MCEMP1: variants seen among roughly 807,000 people sequenced by gnomAD.
MCEMP1 encodes mast cell-expressed membrane protein 1.
A neutral mutation model predicts 27.9 loss-of-function variants in MCEMP1; 17 were observed. The ratio of observed to expected loss-of-function variants is 0.61; its 90% confidence interval spans 0.42 to 0.91. MCEMP1 has a LOEUF of 0.91. MCEMP1 is among the 40% of genes least tolerant of loss of function. The pLI is 0.00. For synonymous variants in MCEMP1, 88 were observed against 76.9 expected, an observed-to-expected ratio of 1.14 and a Z score of -0.76; for missense variants, 200 against 204.8, an observed-to-expected ratio of 0.98 and a Z score of 0.14.
In MCEMP1 at chr19:7,678,888, C is replaced by A; in HGVS notation, c.449-36C>A. 6.6e-7 allele frequency: 1 copy of A among 1,516,394 alleles called. No individual in the cohort carries two copies. The highest frequency in any genetic ancestry group is 9.0e-7 in the Non-Finnish European group (1 of 1,117,080). The allele number at this position is 1,516,394 out of a possible 1,614,324, so 93.9% of individuals were successfully genotyped here. A position where few individuals can be genotyped will look rare whatever the true frequency, so the allele number is the denominator to read the frequency against. On this transcript the variant is annotated intron_variant, in intron 5 of 6. Transcript: ENST00000333598. The surrounding 1 kb of genome is among the most constrained non-coding windows in gnomAD (Gnocchi z 4.8). Reference sequence around the variant, plus strand: ...TGTTTGAGGCTCCACCGCAGCTTGACTTATCTGTTCCCACCCAACCCTCCC... The same window carrying A: ...TGTTTGAGGCTCCACCGCAGCTTGAATTATCTGTTCCCACCCAACCCTCCC...
rs1350005462 is a variant in MCEMP1, at chr19:7,678,505, C to G, written c.349C>G (p.Gln117Glu). Residue 117 changes from glutamine (Q) to glutamate (E), a missense_variant, in exon 5 of 7, where the codon CAA becomes GAA. Transcript: ENST00000333598. The surrounding 1 kb of genome is among the most constrained non-coding windows in gnomAD (Gnocchi z 4.8). ...CATGCCCTCAGTCTCAAACTCCGTA[C>G]AAGCATGCGAAGAGAGACAGAAGAG... is the stretch of plus-strand genomic sequence containing the variant. ...RELWNVSNSV[Q>E]ACEERQKRGW... The G allele has an allele frequency of 6.2e-7, 1 of 1,614,080 alleles. No homozygotes were observed. Among genetic ancestry groups the G allele is most frequent in the South Asian group, 1.1e-5 (1 of 91,080 alleles).
chr19:7,678,943 A>G lies in MCEMP1; in HGVS notation c.468A>G (p.Thr156=), dbSNP rs1025139153. The change falls in exon 6 of 7, where the codon ACA becomes ACG. Residue 156 remains threonine (T), a synonymous_variant. Coordinates refer to ENST00000333598, the MANE Select transcript of MCEMP1 (RefSeq NM_174918.3). The surrounding 1 kb of genome is among the most constrained non-coding windows in gnomAD (Gnocchi z 4.8). ...CCCTAGGCATAAAAAACATTGACAC[A>G]AAGGTACAGAAAATCTTGGAGGTGC... ...TTLAGIKNID[T]KVQKILEVLQ... The G allele has an allele frequency of 5.8e-6, 9 of 1,564,544 alleles. No individual in the cohort carries two copies. The African/African-American group carries it at 1.1e-4, about 19-fold the overall frequency.
Position 7,679,449 on chromosome 19 carries a change from A to G in MCEMP1, c.*335A>G, listed in dbSNP as rs1568481616. The G allele has an allele frequency of 2.9e-6, 1 of 340,004 alleles. No homozygotes were observed. Among genetic ancestry groups the G allele is most frequent in the Non-Finnish European group, 5.4e-6 (1 of 186,380 alleles). 21.1% of individuals were successfully genotyped at this position (340,004 alleles called of 1,614,324 possible). On this transcript the variant is annotated 3_prime_UTR_variant, in exon 7 of 7. Coordinates refer to ENST00000333598, the MANE Select transcript of MCEMP1 (RefSeq NM_174918.3). This position sits in a 1 kb window ranked among gnomAD's most constrained non-coding sequence, Gnocchi z 4.9. ...GAGAGTCACAGTGAATGTGGCATGC[A>G]TGCCTGTGTCATGTGACATATGTGA...
Position 7,678,733 on chromosome 19 carries a change from C to T in MCEMP1, c.448+129C>T, listed in dbSNP as rs2032582380. ...TCCCAAAGCTCAAGTTGTGGAGGGG[C>T]GATGGGTGTTACCATCTGGGTTGCT... is the stretch of plus-strand genomic sequence containing the variant. On this transcript the variant is annotated intron_variant, in intron 5 of 6. Coordinates refer to ENST00000333598, the MANE Select transcript of MCEMP1 (RefSeq NM_174918.3). This position sits in a 1 kb window ranked among gnomAD's most constrained non-coding sequence, Gnocchi z 4.8. The T allele has an allele frequency of 5.4e-6, 6 of 1,110,628 alleles. No homozygotes were observed. Among genetic ancestry groups the T allele is most frequent in the Non-Finnish European group, 7.9e-6 (6 of 757,844 alleles). The allele number at this position is 1,110,628 out of a possible 1,614,324, so 68.8% of individuals were successfully genotyped here.
chr19:7,679,354 G>T lies in MCEMP1; in HGVS notation c.*240G>T. The T allele has an allele frequency of 1.9e-6, 1 of 523,688 alleles. No individual in the cohort carries two copies. Among genetic ancestry groups the T allele is most frequent in the Non-Finnish European group, 3.3e-6 (1 of 301,972 alleles). The allele number at this position is 523,688 out of a possible 1,614,324, so 32.4% of individuals were successfully genotyped here. A position where few individuals can be genotyped will look rare whatever the true frequency, so the allele number is the denominator to read the frequency against. On this transcript the variant is annotated 3_prime_UTR_variant, in exon 7 of 7. Transcript: ENST00000333598. The surrounding 1 kb of genome is among the most constrained non-coding windows in gnomAD (Gnocchi z 4.9). ...CGTGTATGTGCGTGTGTGCGTGCGC[G>T]TGTGTGTGCATTTTGCAAAGGGTGG...
chr19:7,677,640 C>T lies in MCEMP1; in HGVS notation c.59C>T (p.Ala20Val). 2 of 1,613,560 alleles carry T rather than the reference C, an allele frequency of 1.2e-6. No homozygotes were observed. The highest frequency in any genetic ancestry group is 1.7e-6 in the Non-Finnish European group (2 of 1,179,432). Residue 20 changes from alanine to valine, a missense_variant, in exon 2 of 7, where the codon GCC becomes GTC. Ala to Val is a moderately conservative substitution (Grantham distance 64). Transcript: ENST00000333598. This position sits in a 1 kb window ranked among gnomAD's most constrained non-coding sequence, Gnocchi z 4.6. ...KQGVSAKNQG[A>V]HDPDYENITL... ...GCAGATCTCCAACCCCTCCCAGGTG[C>T]CCATGACCCAGACTATGAGAATATC...
chr19:7,678,665 G>T lies in MCEMP1; in HGVS notation c.448+61G>T. The T allele has an allele frequency of 1.3e-6, 2 of 1,483,246 alleles. No individual in the cohort carries two copies. Among genetic ancestry groups the T allele is most frequent in the Admixed American group, 3.6e-5 (2 of 56,208 alleles). 91.9% of individuals were successfully genotyped at this position (1,483,246 alleles called of 1,614,324 possible). A position where few individuals can be genotyped will look rare whatever the true frequency, so the allele number is the denominator to read the frequency against. Reference sequence around the variant, plus strand: ...TGTCACCAATGCCCGGAGCTGAGCTGGGGGCAGGGGATTCAGGGGAGGAGA... The same window carrying T: ...TGTCACCAATGCCCGGAGCTGAGCTTGGGGCAGGGGATTCAGGGGAGGAGA... On this transcript the variant is annotated intron_variant, in intron 5 of 6. Coordinates refer to ENST00000333598, the MANE Select transcript of MCEMP1 (RefSeq NM_174918.3). The surrounding 1 kb of genome is among the most constrained non-coding windows in gnomAD (Gnocchi z 4.8).
chr19:7,678,897 T>TTCCCCCCCCCCC lies in MCEMP1; in HGVS notation c.449-27_449-26insTCCCCCCCCCCC. ...CTCCACCGCAGCTTGACTTATCTGT[T>TTCCCCCCCCCCC]CCCACCCAACCCTCCCCGCCCCCTA... On this transcript the variant is annotated intron_variant, in intron 5 of 6. Transcript: ENST00000333598. This position sits in a 1 kb window ranked among gnomAD's most constrained non-coding sequence, Gnocchi z 4.8. 3 of 993,958 alleles carry TTCCCCCCCCCCC rather than the reference T, an allele frequency of 3.0e-6. No individual in the cohort carries two copies. Among genetic ancestry groups the TTCCCCCCCCCCC allele is most frequent in the Non-Finnish European group, 4.7e-6 (3 of 644,790 alleles). The allele number at this position is 993,958 out of a possible 1,614,324, so 61.6% of individuals were successfully genotyped here. A position where few individuals can be genotyped will look rare whatever the true frequency, so the allele number is the denominator to read the frequency against.
chr19:7,679,390 G>A lies in MCEMP1; in HGVS notation c.*276G>A. On this transcript the variant is annotated 3_prime_UTR_variant, in exon 7 of 7. Transcript: ENST00000333598. The surrounding 1 kb of genome is among the most constrained non-coding windows in gnomAD (Gnocchi z 4.9). The stretch of plus-strand genomic sequence containing the variant: ...TTTTGCAAAGGGTGGACATTTCAGT[G>A]TATCTCCCAGAAAGGTGATGAATGA... 1 of 475,806 alleles carries A rather than the reference G, an allele frequency of 2.1e-6. No individual in the cohort carries two copies. Among genetic ancestry groups the A allele is most frequent in the South Asian group, 3.6e-5 (1 of 28,074 alleles). The allele number at this position is 475,806 out of a possible 1,614,324, so 29.5% of individuals were successfully genotyped here.
chr19:7,678,259 G>GT lies in MCEMP1; in HGVS notation c.283+18_283+19insT. The GT allele has an allele frequency of 6.2e-7, 1 of 1,614,016 alleles. No individual in the cohort carries two copies. Among genetic ancestry groups the GT allele is most frequent in the East Asian group, 2.2e-5 (1 of 44,876 alleles). On this transcript the variant is annotated intron_variant, in intron 3 of 6. Coordinates refer to ENST00000333598, the MANE Select transcript of MCEMP1 (RefSeq NM_174918.3). The surrounding 1 kb of genome is among the most constrained non-coding windows in gnomAD (Gnocchi z 4.8). ...GGTGAAGAGTGAGTACTTCTTGGGA[G>GT]GAGGGTGCTGGGGGGCCTAGACTTT...
chr19:7,679,474 A>G lies in MCEMP1; in HGVS notation c.*360A>G. ...ATGCCTGTGTCATGTGACATATGTG[A>G]GTCTCGGCATGTCACGGTGGGTGGC... On this transcript the variant is annotated 3_prime_UTR_variant, in exon 7 of 7. Transcript: ENST00000333598. The surrounding 1 kb of genome is among the most constrained non-coding windows in gnomAD (Gnocchi z 4.9). The G allele has an allele frequency of 7.3e-6, 2 of 274,010 alleles. No individual in the cohort carries two copies. Among genetic ancestry groups the G allele is most frequent in the Non-Finnish European group, 1.4e-5 (2 of 145,412 alleles). The allele number at this position is 274,010 out of a possible 1,614,324, so 17.0% of individuals were successfully genotyped here. A position where few individuals can be genotyped will look rare whatever the true frequency, so the allele number is the denominator to read the frequency against.
chr19:7,677,674 C>G lies in MCEMP1; in HGVS notation c.93C>G (p.Ala31=). The G allele has an allele frequency of 1.9e-6, 3 of 1,613,736 alleles. No individual in the cohort carries two copies. The highest frequency in any genetic ancestry group is 2.5e-6 in the Non-Finnish European group (3 of 1,179,846). The change falls in exon 2 of 7, where the codon GCC becomes GCG. Residue 31 remains alanine, a synonymous_variant. Coordinates refer to ENST00000333598, the MANE Select transcript of MCEMP1 (RefSeq NM_174918.3). The surrounding 1 kb of genome is among the most constrained non-coding windows in gnomAD (Gnocchi z 4.6). ...HDPDYENITL[A]FKNQDHAKGG... ...CAGACTATGAGAATATCACCTTGGCCTTCAAAAATCAGGACCATGCAAAGG... is the reference window on the plus strand; with the variant it reads ...CAGACTATGAGAATATCACCTTGGCGTTCAAAAATCAGGACCATGCAAAGG...
chr19:7,677,289 G>T lies in MCEMP1; in HGVS notation c.55+114G>T. ...TGGGAGGCTGAGGCGGGAGGATTGC[G>T]TGAGCCCTGGAGGTGGAGACTGGCC... On this transcript the variant is annotated intron_variant, in intron 1 of 6. Coordinates refer to ENST00000333598, the MANE Select transcript of MCEMP1 (RefSeq NM_174918.3). The surrounding 1 kb of genome is among the most constrained non-coding windows in gnomAD (Gnocchi z 4.6). The T allele has an allele frequency of 1.1e-6, 1 of 925,662 alleles. No individual in the cohort carries two copies. The highest frequency in any genetic ancestry group is 1.5e-5 in the South Asian group (1 of 64,998). 57.3% of individuals were successfully genotyped at this position (925,662 alleles called of 1,614,324 possible). A position where few individuals can be genotyped will look rare whatever the true frequency, so the allele number is the denominator to read the frequency against.
Position 7,678,386 on chromosome 19 carries a change from G to C in MCEMP1, c.320G>C (p.Arg107Thr), listed in dbSNP as rs768814799. 3.1e-6 allele frequency: 5 copies of C among 1,614,076 alleles called. No homozygotes were observed. Among genetic ancestry groups the C allele is most frequent in the Non-Finnish European group, 8.5e-7 (1 of 1,180,016 alleles). The change falls in exon 4 of 7, where the codon AGG becomes ACG. Residue 107 changes from arginine (R) to threonine (T), a missense_variant. Coordinates refer to ENST00000333598, the MANE Select transcript of MCEMP1 (RefSeq NM_174918.3). This position sits in a 1 kb window ranked among gnomAD's most constrained non-coding sequence, Gnocchi z 4.8. Reference sequence around the variant, plus strand: ...TCCAAGGAGCTGCTGGGCTTTAAAAGGGAGCTTTGGAATGGTGAGCGGAGG... The same window carrying C: ...TCCAAGGAGCTGCTGGGCTTTAAAACGGAGCTTTGGAATGGTGAGCGGAGG... ...EMSKELLGFK[R>T]ELWNVSNSVQ...
Position 7,678,828 on chromosome 19 carries a change from G to A in MCEMP1, c.449-96G>A. 1 of 1,315,912 alleles carries A rather than the reference G, an allele frequency of 7.6e-7. No individual in the cohort carries two copies. Among genetic ancestry groups the A allele is most frequent in the Non-Finnish European group, 1.1e-6 (1 of 950,124 alleles). 81.5% of individuals were successfully genotyped at this position (1,315,912 alleles called of 1,614,324 possible). ...CTGCTGTACCCCAGGGTGGGTGTGG[G>A]GCAGGGGGGGTGCTTCCAAGGAAGG... On this transcript the variant is annotated intron_variant, in intron 5 of 6. Transcript: ENST00000333598. The surrounding 1 kb of genome is among the most constrained non-coding windows in gnomAD (Gnocchi z 4.8).
chr19:7,679,639 G>A lies in MCEMP1; in HGVS notation c.*525G>A, dbSNP rs1274379009. 1.3e-5 allele frequency: 2 copies of A among 154,356 alleles called. No homozygotes were observed. The highest frequency in any genetic ancestry group is 1.3e-4 in the Admixed American group (2 of 15,336). 9.6% of individuals were successfully genotyped at this position (154,356 alleles called of 1,614,324 possible). A position where few individuals can be genotyped will look rare whatever the true frequency, so the allele number is the denominator to read the frequency against. ...TCTGTCTACCCATGTCATGGTGGGGGAGATTTATCTCCGTACATGTGGGTG... is the reference window on the plus strand; with the variant it reads ...TCTGTCTACCCATGTCATGGTGGGGAAGATTTATCTCCGTACATGTGGGTG... On this transcript the variant is annotated 3_prime_UTR_variant, in exon 7 of 7. Transcript: ENST00000333598. This position sits in a 1 kb window ranked among gnomAD's most constrained non-coding sequence, Gnocchi z 4.9.
chr19:7,677,219 T>G lies in MCEMP1; in HGVS notation c.55+44T>G, dbSNP rs113739093. 2 of 1,496,406 alleles carry G rather than the reference T, an allele frequency of 1.3e-6. No individual in the cohort carries two copies. Among genetic ancestry groups the G allele is most frequent in the African/African-American group, 1.4e-5 (1 of 71,540 alleles). 92.7% of individuals were successfully genotyped at this position (1,496,406 alleles called of 1,614,324 possible). A position where few individuals can be genotyped will look rare whatever the true frequency, so the allele number is the denominator to read the frequency against. On this transcript the variant is annotated intron_variant, in intron 1 of 6. Transcript: ENST00000333598. The surrounding 1 kb of genome is among the most constrained non-coding windows in gnomAD (Gnocchi z 4.6). The stretch of plus-strand genomic sequence containing the variant: ...GAAGGGAGGGGTTAAGAAGGAGAGA[T>G]TGGGGGGCCGGGGGCTTTTGCTCAT...
Position 7,677,129 on chromosome 19 carries a change from A to G in MCEMP1, c.9A>G (p.Ala3=). 1 of 1,600,172 alleles carries G rather than the reference A, an allele frequency of 6.2e-7. No homozygotes were observed. The highest frequency in any genetic ancestry group is 8.5e-7 in the Non-Finnish European group (1 of 1,172,998). The part of the protein sequence containing the change: MQ[A]PAFRDKKQGV... ...AGCACCAGGAAGTCAAGATGCAAGC[A>G]CCAGCCTTCAGGGACAAGAAACAGG... Residue 3 remains alanine, a synonymous_variant, in exon 1 of 7, where the codon GCA becomes GCG. Transcript: ENST00000333598. This position sits in a 1 kb window ranked among gnomAD's most constrained non-coding sequence, Gnocchi z 4.6.
chr19:7,677,157 G>A lies in MCEMP1; in HGVS notation c.37G>A (p.Val13Ile), dbSNP rs1280835570. The A allele has an allele frequency of 6.3e-7, 1 of 1,593,656 alleles. No homozygotes were observed. Among genetic ancestry groups the A allele is most frequent in the Non-Finnish European group, 8.5e-7 (1 of 1,169,648 alleles). ...APAFRDKKQG[V>I]SAKNQGAHDP... ...AGCCTTCAGGGACAAGAAACAGGGG[G>A]TCTCAGCCAAGAATCAAGGTTAGGG... The change falls in exon 1 of 7, where the codon GTC (valine) becomes ATC (isoleucine). Residue 13 changes from valine to isoleucine, a missense_variant. Val to Ile is a conservative substitution (Grantham distance 29, BLOSUM62 3). Coordinates refer to ENST00000333598, the MANE Select transcript of MCEMP1 (RefSeq NM_174918.3). This position sits in a 1 kb window ranked among gnomAD's most constrained non-coding sequence, Gnocchi z 4.6.
Sources: allele counts gnomAD v4.1 joint callset, GRCh38; gene constraint gnomAD v4.1.1; non-coding constraint Gnocchi (gnomAD v3.1); transcripts MANE v1.5; gene names NCBI Gene and HGNC (gene_info 2026-07-23, HGNC 2026-07-21).